The following MED13L variants were observed in gnomAD, a reference collection of about 807,000 sequenced individuals.
The protein encoded by MED13L is mediator of RNA polymerase II transcription subunit 13-like.
In MED13L, 7 loss-of-function variants were observed where a neutral mutation model predicts 220.9. The ratio of observed to expected loss-of-function variants is 0.03; its 90% confidence interval spans 0.02 to 0.06. The LOEUF is 0.06. MED13L is among the 10% of genes least tolerant of loss of function. MED13L has a pLI of 1.00. For synonymous variants in MED13L, 1,011 were observed against 1,015.2 expected, an observed-to-expected ratio of 1.00 and a Z score of 0.08; for missense variants, 1,965 against 2,760.5, an observed-to-expected ratio of 0.71 and a Z score of 6.46.
In MED13L at chr12:115,963,453, G is replaced by A. The variant is rs755044661; in HGVS notation, c.6454C>T (p.Arg2152Trp). ...TTGGAGTCAAGAGGGTGTGGAACCC[G>A]CTGAGAATTCCTGGCAGGCAGAAGT... ...DELLPARNSQ[R>W]VPHPLDSKTT... The change falls in exon 30 of 31, where the codon CGG (arginine) becomes TGG (tryptophan). Residue 2152 changes from arginine to tryptophan, a missense_variant. This residue lies in a region of MED13L where 145 missense variants were observed against 328.3 expected (regional missense o/e 0.44). Coordinates refer to ENST00000281928, the MANE Select transcript of MED13L (RefSeq NM_015335.5). The A allele has an allele frequency of 8.1e-6, 13 of 1,614,038 alleles. No individual in the cohort carries two copies. The highest frequency in any genetic ancestry group is 1.6e-4 in the Middle Eastern group (1 of 6,084).
chr12:116,135,866 T>A (rs1876501754), intron 2 of MED13L, among the ~76,000 whole-genome samples: 1 of 151,998 alleles, frequency 6.6e-6, no homozygotes, highest in Non-Finnish European at 1.5e-5. Flanking sequence ...CAGAAGCCAC[T>A]GTGCTGCTTC....
intron 4 of MED13L, among the ~76,000 whole-genome samples, chr12:116,068,247 G>A (rs2137669779): frequency 6.6e-6 from 1 of 152,168 alleles, no homozygotes; most frequent in South Asian, 2.1e-4. Context: ...AATACTAATG[G>A]GACAACAAAG....
Position 116,264,073 on chromosome 12 carries a change from C to T in MED13L, c.72+12987G>A, listed in dbSNP as rs562522056. ...CACTCATCAGCAGCAAGGCCCTCATCAGAAGGGTATTAAACTGTTAACTCT... is the reference window on the plus strand; with the variant it reads ...CACTCATCAGCAGCAAGGCCCTCATTAGAAGGGTATTAAACTGTTAACTCT... On this transcript the variant is annotated intron_variant, in intron 1 of 30. Transcript: ENST00000281928. 3.9e-5 allele frequency among the ~76,000 whole-genome samples: 6 copies of T among 152,114 alleles called. 1 individual carries two copies. The highest frequency in any genetic ancestry group is 1.3e-4 in the Admixed American group (2 of 15,264).
rs761362862 is a variant in MED13L at position 116,006,277 on chromosome 12, C to A, written c.2344+29G>T. 26 of 1,582,688 alleles carry A rather than the reference C, an allele frequency of 1.6e-5. No individual in the cohort carries two copies. In the South Asian group the frequency reaches 2.8e-4, roughly 17 times the overall value. On this transcript the variant is annotated intron_variant, in intron 12 of 30. Transcript: ENST00000281928. ...TTTGCATTTCATTTTAGCAACAATC[C>A]AAGTGAGGCAAATAATCATTGTACA...
chr12:116,233,257 G>A (rs1869752692), intron 2 of MED13L, among the ~76,000 whole-genome samples: 1 of 152,026 alleles, frequency 6.6e-6, no homozygotes, highest in South Asian at 2.1e-4. Flanking sequence ...ATGAATTATA[G>A]TATATAATCA....
At chr12:116,031,911 T>A (rs556592483) in intron 4 of MED13L, among the ~76,000 whole-genome samples, 147 of 151,838 alleles carry the variant, frequency 9.7e-4, no homozygotes, top group African/African-American at 3.5e-3. Flanking sequence ...CTAAGAGAAC[T>A]AACAAAAGAG....
intron 3 of MED13L, among the ~76,000 whole-genome samples, chr12:116,098,893 C>A (rs1194415008): frequency 2.0e-5 from 3 of 152,280 alleles, no homozygotes; most frequent in Admixed American, 1.3e-4. Flanking sequence ...AGCATCTCCA[C>A]AGTTTATTCA....
intron 2 of MED13L, among the ~76,000 whole-genome samples, chr12:116,178,409 TTGAACTGCAAAGCTA>T (rs1880244327): frequency 6.6e-6 from 1 of 152,308 alleles, no homozygotes; most frequent in South Asian, 2.1e-4. Flanking sequence ...CTTCTTTGAA[TTGAACTGCAAAGCTA>T]TGTACCAGAC....
chr12:116,107,888 G>A (rs978927059), intron 3 of MED13L, among the ~76,000 whole-genome samples: 6 of 152,088 alleles, frequency 3.9e-5, no homozygotes, highest in South Asian at 2.1e-4. Flanking sequence ...TCAGGAGTTC[G>A]AGACCAGCCT....
At chr12:116,134,776 C>G (rs1349936876) in intron 2 of MED13L, among the ~76,000 whole-genome samples, 4 of 151,850 alleles carry the variant, frequency 2.6e-5, no homozygotes, top group African/African-American at 9.7e-5. Flanking sequence ...AAAACAAGAC[C>G]CCAAGTGTCT....
chr12:116,087,351 C>T (rs559569645), intron 4 of MED13L, among the ~76,000 whole-genome samples: 3 of 151,944 alleles, frequency 2.0e-5, no homozygotes, highest in African/African-American at 7.3e-5. Flanking sequence ...TTTCCTTAAA[C>T]TAATGAGGAA....
intron 2 of MED13L, among the ~76,000 whole-genome samples, chr12:116,209,688 T>C (rs2138345518): frequency 6.6e-6 from 1 of 152,320 alleles, no homozygotes; most frequent in East Asian, 1.9e-4. Context: ...GTCAGATAAC[T>C]ATTAGAGCCC....
chr12:116,248,235 T>G (rs557384030), intron 1 of MED13L, among the ~76,000 whole-genome samples: 62 of 152,240 alleles, frequency 4.1e-4, no homozygotes, highest in Non-Finnish European at 8.1e-4. Context: ...TTATTTAGTC[T>G]TCTGTTATAT....
At chr12:116,002,068 C>G (rs915956258) in intron 14 of MED13L, among the ~76,000 whole-genome samples, 5 of 152,168 alleles carry the variant, frequency 3.3e-5, no homozygotes, top group African/African-American at 1.2e-4. Flanking sequence ...TGTGAAGTTC[C>G]ATGTTTGTGA....
At chr12:116,030,085 A>T (rs1276398491) in intron 4 of MED13L, among the ~76,000 whole-genome samples, 2 of 152,116 alleles carry the variant, frequency 1.3e-5, no homozygotes, top group Non-Finnish European at 2.9e-5. Context: ...CTCATGCCTC[A>T]GCCTCCTAAG....
At chr12:116,181,671 T>G (rs1371214335) in intron 2 of MED13L, among the ~76,000 whole-genome samples, 1 of 151,970 alleles carries the variant, frequency 6.6e-6, no homozygotes, top group Non-Finnish European at 1.5e-5. Flanking sequence ...CCGGCTAATT[T>G]TTTCTGTAGT....
intron 9 of MED13L, among the ~76,000 whole-genome samples, chr12:116,011,158 T>G (rs955548363): frequency 6.6e-6 from 1 of 152,122 alleles, no homozygotes; most frequent in Non-Finnish European, 1.5e-5. Flanking sequence ...GTGCTAGGAT[T>G]ACAGGCGTGA....
intron 19 of MED13L, among the ~76,000 whole-genome samples, chr12:115,985,671 C>T (rs78592090): frequency 0.017 from 2,617 of 152,102 alleles, 43 homozygotes; most frequent in Middle Eastern, 0.031. Flanking sequence ...TTTAAAGCAA[C>T]AGGAATTCAT....
rs188494412 is a variant in MED13L, at chr12:116,072,242, A to C, written c.479+24427T>G. On this transcript the variant is annotated intron_variant, in intron 4 of 30. Transcript: ENST00000281928. Reference sequence around the variant, plus strand: ...CCAAAGATAAAACAGCTTGAATCTCAGATTGTCATAAGCATTTACTGTGGG... The same window carrying C: ...CCAAAGATAAAACAGCTTGAATCTCCGATTGTCATAAGCATTTACTGTGGG... Among the ~76,000 whole-genome samples, 505 of 152,320 alleles carry C rather than the reference A, an allele frequency of 3.3e-3. 3 individuals carry two copies. The highest frequency in any genetic ancestry group is 5.1e-3 in the Non-Finnish European group (350 of 68,030).
Sources: gnomAD v4.1 joint callset for allele counts (sites outside exome capture counted in the v4.1 genomes callset) on GRCh38, gnomAD v4.1.1 for gene constraint, gnomAD v4.1.1 regional missense constraint, MANE v1.5 for transcripts, NCBI Gene and HGNC (gene_info 2026-07-23, HGNC 2026-07-21) for gene names.